Variants in NYAP2 observed in about 807,000 individuals in gnomAD.
NYAP2 encodes the protein neuronal tyrosine-phosphorylated phosphoinositide-3-kinase adaptor 2.
A neutral mutation model predicts 50.4 loss-of-function variants in NYAP2; 23 were observed. The ratio of observed to expected loss-of-function variants is 0.46; its 90% CI spans 0.33 to 0.65. The LOEUF (loss-of-function observed/expected upper bound fraction) is 0.65, where lower values mean the gene tolerates loss of function less well. NYAP2 is among the 30% of genes least tolerant of loss of function. The pLI is 0.02. For missense variants in NYAP2, 885 were observed against 861.0 expected, an observed-to-expected ratio of 1.03 and a Z score of -0.35; for synonymous variants, 394 against 365.2, an observed-to-expected ratio of 1.08 and a Z score of -0.90.
At chr2:225,659,730 CCTTT>C in the NYAP2 span, among the ~76,000 whole-genome samples, 1 of 152,080 alleles carries the variant, frequency 6.6e-6, no homozygotes, top group African/African-American at 2.4e-5. Flanking sequence ...TGTTGCTGAA[CCTTT>C]CTGAGTCTGG....
At chr2:225,597,398 T>A (rs375755536) in intron 5 of NYAP2, among the ~76,000 whole-genome samples, 19 of 150,372 alleles carry the variant, frequency 1.3e-4, no homozygotes, top group African/African-American at 4.6e-4. Context: ...ATACAATGTT[T>A]GTTTTTCCAA....
intron 2 of NYAP2, among the ~76,000 whole-genome samples, chr2:225,407,914 A>T (rs1334407078): frequency 6.6e-6 from 1 of 151,968 alleles, no homozygotes; most frequent in Non-Finnish European, 1.5e-5. Context: ...CTGCCAGTTC[A>T]TACTTTTTAA....
At chr2:225,685,591 G>A in the NYAP2 span, among the ~76,000 whole-genome samples, 1 of 152,070 alleles carries the variant, frequency 6.6e-6, no homozygotes, top group Non-Finnish European at 1.5e-5. Context: ...TTGAATTACT[G>A]AGAAATAAGT....
At chr2:225,473,991 G>A (rs1020957368) in intron 3 of NYAP2, among the ~76,000 whole-genome samples, 6 of 152,172 alleles carry the variant, frequency 3.9e-5, no homozygotes, top group Non-Finnish European at 4.4e-5. Context: ...TTTGTATAAG[G>A]TGTAAGGAAG....
At chr2:225,481,462 T>A (rs1690205233) in intron 3 of NYAP2, among the ~76,000 whole-genome samples, 1 of 152,146 alleles carries the variant, frequency 6.6e-6, no homozygotes, top group Admixed American at 6.6e-5. Flanking sequence ...AACATTAAGT[T>A]TGAACATAAA....
the NYAP2 span, among the ~76,000 whole-genome samples, chr2:225,673,344 G>A: frequency 6.6e-6 from 1 of 152,042 alleles, no homozygotes; most frequent in African/African-American, 2.4e-5. Context: ...GAAGAAGTTT[G>A]AAATACTGTG....
intron 3 of NYAP2, among the ~76,000 whole-genome samples, chr2:225,440,522 A>G (rs1689452709): frequency 6.6e-6 from 1 of 152,218 alleles, no homozygotes; most frequent in Non-Finnish European, 1.5e-5. Flanking sequence ...AATGCTCAAT[A>G]AAGCCTTCTG....
chr2:225,481,770 G>A (rs932472740), intron 3 of NYAP2, among the ~76,000 whole-genome samples: 3 of 152,062 alleles, frequency 2.0e-5, no homozygotes, highest in South Asian at 4.1e-4. Flanking sequence ...GGGAGGCAAG[G>A]TTCCACCCCC....
chr2:225,494,772 AAAAG>A, intron 3 of NYAP2, among the ~76,000 whole-genome samples: 1 of 152,188 alleles, frequency 6.6e-6, no homozygotes, highest in Non-Finnish European at 1.5e-5. Flanking sequence ...TGGAGAAGGA[AAAAG>A]AAAGAGGTTG....
At chr2:225,442,991 G>A (rs946246704) in intron 3 of NYAP2, among the ~76,000 whole-genome samples, 1 of 152,202 alleles carries the variant, frequency 6.6e-6, no homozygotes, top group African/African-American at 2.4e-5. Flanking sequence ...GAAAGAGAGA[G>A]TGTGCAGGGG....
chr2:225,653,000 T>G (rs1014142919), exon 7 of NYAP2: 8 of 152,224 alleles, frequency 5.3e-5, no homozygotes, highest in Admixed American at 4.6e-4. Flanking sequence ...TATATAAATG[T>G]TAAATGCCTT....
At chr2:225,648,569 A>G (rs1255205481) in intron 6 of NYAP2, among the ~76,000 whole-genome samples, 1 of 152,122 alleles carries the variant, frequency 6.6e-6, no homozygotes, top group Non-Finnish European at 1.5e-5. Flanking sequence ...AGGGGGAAAA[A>G]AAGCAAATTC....
chr2:225,519,990 T>A (rs577923445), intron 4 of NYAP2, among the ~76,000 whole-genome samples: 1 of 152,290 alleles, frequency 6.6e-6, no homozygotes, highest in East Asian at 1.9e-4. Context: ...GGTATCTCAT[T>A]GTGGTTTTGA....
At chr2:225,612,419 C>G (rs1316960342) in intron 5 of NYAP2, among the ~76,000 whole-genome samples, 3 of 152,054 alleles carry the variant, frequency 2.0e-5, no homozygotes, top group Non-Finnish European at 2.9e-5. Flanking sequence ...CTGGTTCCTC[C>G]TGTCACCCAC....
At chr2:225,673,837 C>T in the NYAP2 span, among the ~76,000 whole-genome samples, 2 of 152,114 alleles carry the variant, frequency 1.3e-5, no homozygotes, top group African/African-American at 4.8e-5. Flanking sequence ...CCACTCTTCC[C>T]TGGCAGGGAG....
intron 4 of NYAP2, among the ~76,000 whole-genome samples, chr2:225,515,501 T>G (rs1389829788): frequency 6.6e-6 from 1 of 152,062 alleles, no homozygotes; most frequent in Non-Finnish European, 1.5e-5. Flanking sequence ...GTATAACTGT[T>G]ATTCCTCTGC....
intron 4 of NYAP2, among the ~76,000 whole-genome samples, chr2:225,536,680 C>A (rs938961426): frequency 1.3e-5 from 2 of 152,074 alleles, no homozygotes. Flanking sequence ...ACTAAACAAT[C>A]CAGTTATGCT....
In NYAP2 at chr2:225,485,942, C is replaced by T. The variant is rs115776552; in HGVS notation, c.222-27429C>T. Among the ~76,000 whole-genome samples, 404 of 152,308 alleles carry T rather than the reference C, an allele frequency of 2.7e-3. 3 individuals are homozygous for T. Among genetic ancestry groups the T allele is most frequent in the African/African-American group, 9.0e-3 (374 of 41,558 alleles). On this transcript the variant is annotated intron_variant, in intron 3 of 6. Transcript: ENST00000636099. ...TAATCATTAGATGCTAGTAGCCACA[C>T]CCCTCCCCCAGTCATGACAGTCAGA... is the stretch of plus-strand genomic sequence containing the variant.
At chr2:225,617,994 A>G (rs1693018382) in intron 5 of NYAP2, among the ~76,000 whole-genome samples, 2 of 152,196 alleles carry the variant, frequency 1.3e-5, no homozygotes, top group Non-Finnish European at 1.5e-5. Context: ...TTGTGATCCA[A>G]CGGGGGCAAC....
Sources: gnomAD v4.1 joint callset for allele counts (sites outside exome capture counted in the v4.1 genomes callset) on GRCh38, gnomAD v4.1.1 for gene constraint, MANE v1.5 for transcripts, NCBI Gene and HGNC (gene_info 2026-07-23, HGNC 2026-07-21) for gene names.